SIK3: variants seen among roughly 807,000 people sequenced by gnomAD.
The protein encoded by SIK3 is serine/threonine-protein kinase SIK3.
Under a neutral mutation model 144.2 loss-of-function variants are expected in SIK3, and 28 were observed. That is an observed-to-expected ratio of 0.19 (90% CI 0.14 to 0.27). The LOEUF is 0.27. SIK3 is among the 10% of genes least tolerant of loss of function. SIK3 has a pLI of 1.00. For missense variants in SIK3, 1,319 were observed against 1,776.0 expected (o/e 0.74, Z 4.62); for synonymous variants, 686 against 676.3 (o/e 1.01, Z -0.22).
intron 1 of SIK3, among the ~76,000 whole-genome samples, chr11:117,081,703 G>A (rs1433704225): frequency 6.6e-6 from 1 of 152,040 alleles, no homozygotes; most frequent in African/African-American, 2.4e-5. Flanking sequence ...TATGAACATG[G>A]GAGAAAGTAC....
intron 1 of SIK3, among the ~76,000 whole-genome samples, chr11:117,040,948 C>CTTT (rs369066520): frequency 0.039 from 4,521 of 116,698 alleles, 195 homozygotes; most frequent in African/African-American, 0.11. Flanking sequence ...TACCTGCCTC[C>CTTT]TTTTTTTTTT....
chr11:117,075,222 T>C (rs762774060), intron 1 of SIK3, among the ~76,000 whole-genome samples: 8 of 152,226 alleles, frequency 5.3e-5, no homozygotes, highest in Non-Finnish European at 1.0e-4. Flanking sequence ...CAGGATACTT[T>C]TCACTGTATT....
chr11:116,848,263 C>T (rs902697239), intron 22 of SIK3, among the ~76,000 whole-genome samples: 3 of 152,232 alleles, frequency 2.0e-5, no homozygotes, highest in Non-Finnish European at 2.9e-5. Context: ...AGGAGAATGG[C>T]GTGAACCCGG....
intron 24 of SIK3, 60 bp from the exon 25 acceptor site, chr11:116,845,689 A>G (rs1941883223): frequency 6.6e-6 from 1 of 152,260 alleles, no homozygotes; most frequent in African/African-American, 2.4e-5. Context: ...CAAATATTCC[A>G]TTTAAAACCT....
At chr11:117,013,959 C>CTTTTTTTTTTTTTT (rs1232857124) in intron 1 of SIK3, among the ~76,000 whole-genome samples, 4 of 8,250 alleles carry the variant, frequency 4.8e-4, no homozygotes, top group Admixed American at 1.7e-3. Context: ...TGTTTTATTT[C>CTTTTTTTTTTTTTT]TTTTTTTCTT....
At chr11:116,946,677 C>T (rs1308050531) in intron 3 of SIK3, among the ~76,000 whole-genome samples, 3 of 152,152 alleles carry the variant, frequency 2.0e-5, no homozygotes, top group Non-Finnish European at 4.4e-5. Context: ...GTGAGATATC[C>T]GTGGAGAACT....
intron 1 of SIK3, among the ~76,000 whole-genome samples, chr11:117,089,939 C>T (rs1955171361): frequency 1.3e-5 from 2 of 151,988 alleles, no homozygotes; most frequent in Admixed American, 1.3e-4. Flanking sequence ...TCCAGAGGCT[C>T]CTTGTCTACC....
chr11:116,863,656 C>G lies in SIK3; in HGVS notation c.2103+12G>C, dbSNP rs778873667. 3.1e-6 allele frequency: 5 copies of G among 1,613,848 alleles called. No homozygotes were observed. Among genetic ancestry groups the G allele is most frequent in the Non-Finnish European group, 4.2e-6 (5 of 1,179,992 alleles). On this transcript the variant is annotated intron_variant, in intron 16 of 24. Transcript: ENST00000445177. ...ATGCTCCTCCAGGGATGCCTGCCAC[C>G]TCTTCCATTACCTGCTGCAGCTGTT...
intron 3 of SIK3, among the ~76,000 whole-genome samples, chr11:116,933,530 T>G (rs2135190859): frequency 6.6e-6 from 1 of 152,374 alleles, no homozygotes; most frequent in East Asian, 1.9e-4. Context: ...ACATTTTGGT[T>G]GTTTCCAGTT....
chr11:116,919,434 T>A (rs184015686), intron 4 of SIK3, among the ~76,000 whole-genome samples: 10 of 152,350 alleles, frequency 6.6e-5, no homozygotes, highest in Non-Finnish European at 7.3e-5. Context: ...TGCTGTCTAC[T>A]GATTGCCAAC....
intron 1 of SIK3, among the ~76,000 whole-genome samples, chr11:117,095,214 AAG>A (rs1434232585): frequency 1.4e-5 from 2 of 146,316 alleles, no homozygotes; most frequent in Non-Finnish European, 3.0e-5. Context: ...AAAAAAAAAA[AAG>A]GAGGGGGATC....
chr11:116,948,279 C>A (rs1398955941), intron 3 of SIK3, among the ~76,000 whole-genome samples: 2 of 151,354 alleles, frequency 1.3e-5, no homozygotes, highest in Admixed American at 6.6e-5. Flanking sequence ...CCTTTATAAT[C>A]ATTTTTATTT....
At chr11:116,975,862 T>G (rs1380904864) in intron 1 of SIK3, among the ~76,000 whole-genome samples, 1 of 152,226 alleles carries the variant, frequency 6.6e-6, no homozygotes, top group Non-Finnish European at 1.5e-5. Flanking sequence ...TTTCCACATA[T>G]CCTAACCAAC....
chr11:116,978,687 T>C (rs561566999), intron 1 of SIK3, among the ~76,000 whole-genome samples: 2 of 152,146 alleles, frequency 1.3e-5, no homozygotes, highest in African/African-American at 4.8e-5. Context: ...TTTTAATTTG[T>C]TGTAGGGAAA....
At chr11:117,014,781 G>T (rs1951449366) in intron 1 of SIK3, among the ~76,000 whole-genome samples, 1 of 152,100 alleles carries the variant, frequency 6.6e-6, no homozygotes, top group Admixed American at 6.5e-5. Context: ...AAATTAAAAC[G>T]ATTTTTAAGT....
chr11:116,876,178 A>G (rs1306799732), intron 8 of SIK3, 75 bp downstream of exon 8: 1 of 1,520,070 alleles, frequency 6.6e-7, no homozygotes, highest in African/African-American at 1.4e-5. Flanking sequence ...CAAGTTCCCG[A>G]GAAGGCGAAA....
At chr11:117,071,782 A>ATTT (rs57735255) in intron 1 of SIK3, among the ~76,000 whole-genome samples, 1,135 of 105,590 alleles carry the variant, frequency 0.011, 36 homozygotes, top group African/African-American at 0.036. Context: ...TGCTTGGTTA[A>ATTT]TTTTTTTTTT....
chr11:117,050,305 C>A (rs982465879), intron 1 of SIK3, among the ~76,000 whole-genome samples: 11 of 150,048 alleles, frequency 7.3e-5, no homozygotes, highest in East Asian at 2.0e-4. Flanking sequence ...CACACACACA[C>A]AAAAAGATAT....
chr11:116,934,629 T>C (rs1284741080), intron 3 of SIK3, among the ~76,000 whole-genome samples: 1 of 152,240 alleles, frequency 6.6e-6, no homozygotes, highest in Non-Finnish European at 1.5e-5. Context: ...TTTTTTTCTA[T>C]GCCTCCTTAT....
Sources: allele counts gnomAD v4.1 joint callset (sites outside exome capture counted in the v4.1 genomes callset), GRCh38; gene constraint gnomAD v4.1.1; transcripts MANE v1.5; gene names NCBI Gene and HGNC (gene_info 2026-07-23, HGNC 2026-07-21).